Variants in TNRC18 observed in about 807,000 individuals in gnomAD.
TNRC18 encodes the protein trinucleotide repeat-containing gene 18 protein.
In TNRC18, 69 loss-of-function variants were observed where a neutral mutation model predicts 226.7. The observed-to-expected ratio is 0.30, with a 90% CI of 0.25 to 0.37. The LOEUF (loss-of-function observed/expected upper bound fraction) is 0.37. TNRC18 is among the 10% of genes least tolerant of loss of function. The pLI, the probability that TNRC18 is intolerant of heterozygous loss-of-function variation, is 1.00. For missense variants in TNRC18, 4,754 were observed against 4,256.6 expected, an observed-to-expected ratio of 1.12 and a Z score of -3.25; for synonymous variants, 2,449 against 1,927.6, an observed-to-expected ratio of 1.27 and a Z score of -7.09.
intron 19 of TNRC18, 108 bp from the exon 20 acceptor site, chr7:5,325,356 C>A: frequency 3.1e-6 from 4 of 1,296,896 alleles, no homozygotes; most frequent in Non-Finnish European, 4.2e-6. Context: ...ACCCCAAGTG[C>A]GCCCTCCCAG....
Position 5,343,124 on chromosome 7 carries a change from C to T in TNRC18, c.5719+2438G>A, listed in dbSNP as rs529641706. ...ATCCCAGCACTTTGGGAGGCCGAGG[C>T]GGACAGATCACCTGAGGTCAGGAGT... On this transcript the variant is annotated intron_variant, in intron 18 of 29. Coordinates refer to ENST00000430969, the MANE Select transcript of TNRC18 (RefSeq NM_001080495.3). 2.0e-3 allele frequency among the ~76,000 whole-genome samples: 300 copies of T among 152,262 alleles called. 1 individual carries two copies. Among genetic ancestry groups the T allele is most frequent in the Middle Eastern group, 6.8e-3 (2 of 294 alleles).
In TNRC18 at chr7:5,325,078, G is replaced by T; in HGVS notation, c.6300+18C>A. ...CTGAGCCCCCCACAGCCCCCAACCAGGGCACGGTGAGCCTCACCTCCTTCT... is the reference window on the plus strand; with the variant it reads ...CTGAGCCCCCCACAGCCCCCAACCATGGCACGGTGAGCCTCACCTCCTTCT... On this transcript the variant is annotated intron_variant, in intron 20 of 29. Transcript: ENST00000430969. 6.5e-7 allele frequency: 1 copy of T among 1,549,370 alleles called. No homozygotes were observed. Among genetic ancestry groups the T allele is most frequent in the Non-Finnish European group, 8.7e-7 (1 of 1,146,828 alleles).
chr7:5,349,601 C>T (rs1158279734), intron 17 of TNRC18, among the ~76,000 whole-genome samples: 1 of 152,168 alleles, frequency 6.6e-6, no homozygotes, highest in African/African-American at 2.4e-5. Flanking sequence ...TGCCTACCTA[C>T]GGAGCAACGA....
At chr7:5,361,309 G>A (rs890537274) in intron 14 of TNRC18, among the ~76,000 whole-genome samples, 2 of 152,220 alleles carry the variant, frequency 1.3e-5, no homozygotes, top group Non-Finnish European at 2.9e-5. Flanking sequence ...GGAGGAATTA[G>A]GCCCTAGGCG....
intron 2 of TNRC18, 199 bp downstream of exon 2, chr7:5,420,861 T>G (rs979286016): frequency 9.3e-6 from 7 of 752,760 alleles, no homozygotes; most frequent in Non-Finnish European, 1.6e-5. Context: ...ACGGAAAAGG[T>G]AGCCGAGCCG....
At chr7:5,314,069 C>T (rs1276945155) in intron 26 of TNRC18, among the ~76,000 whole-genome samples, 3 of 152,034 alleles carry the variant, frequency 2.0e-5, no homozygotes, top group Non-Finnish European at 4.4e-5. Flanking sequence ...TGTGAGCCTC[C>T]AGCCTCAGTC....
intron 5 of TNRC18, among the ~76,000 whole-genome samples, chr7:5,382,667 C>A (rs535415856): frequency 2.6e-5 from 4 of 152,164 alleles, no homozygotes; most frequent in Non-Finnish European, 4.4e-5. Flanking sequence ...ATCCCCACAG[C>A]CCCTCCCTCC....
intron 2 of TNRC18, among the ~76,000 whole-genome samples, chr7:5,408,568 G>A (rs150141510): frequency 2.0e-4 from 30 of 152,158 alleles, no homozygotes; most frequent in African/African-American, 6.7e-4. Context: ...AACCTAGGAG[G>A]TGGAGGTAGG....
At position 5,370,465 on chromosome 7, in the gene TNRC18, G is replaced by T. The variant is rs764664942; in HGVS notation, c.4129C>A (p.Leu1377Ile). The change falls in exon 11 of 30, where the codon CTT becomes ATT. Residue 1377 changes from leucine (L) to isoleucine (I), a missense_variant. Coordinates refer to ENST00000430969, the MANE Select transcript of TNRC18 (RefSeq NM_001080495.3). ...ALEKLEAAESLVLEQSFLHGI... is the reference protein window; with the variant it reads ...ALEKLEAAESIVLEQSFLHGI... ...TGCAGGAAGCTCTGCTCCAAGACAA[G>T]GCTCTCGGCTGCTTCCAGCTTCTCC... is the stretch of plus-strand genomic sequence containing the variant. 3 of 1,576,770 alleles carry T rather than the reference G, an allele frequency of 1.9e-6. No individual in the cohort carries two copies. In the East Asian group the frequency reaches 7.0e-5, roughly 37 times the overall value.
In TNRC18 at chr7:5,323,568, G is replaced by GTTTTTTTTT. The variant is rs1554272402; in HGVS notation, c.6442+637_6442+645dup. 6.6e-4 allele frequency among the ~76,000 whole-genome samples: 81 copies of GTTTTTTTTT among 122,226 alleles called. 8 individuals are homozygous for GTTTTTTTTT. Among genetic ancestry groups the GTTTTTTTTT allele is most frequent in the East Asian group, 1.2e-3 (5 of 4,118 alleles). The allele number at this position is 122,226 out of a possible 152,430, so 80.2% of individuals were successfully genotyped here. A position where few individuals can be genotyped will look rare whatever the true frequency, so the allele number is the denominator to read the frequency against. On this transcript the variant is annotated intron_variant, in intron 21 of 29. Transcript: ENST00000430969. Reference sequence around the variant, plus strand: ...CTCGTTCTCTGTGCAGCACCAGACAGTTTTTTTTTTTTTGAGACACAGTTT... The same window carrying GTTTTTTTTT: ...CTCGTTCTCTGTGCAGCACCAGACAGTTTTTTTTTTTTTTTTTTTTTTGAGACACAGTTT...
At chr7:5,350,478 C>G (rs1336555406) in intron 17 of TNRC18, among the ~76,000 whole-genome samples, 1 of 152,084 alleles carries the variant, frequency 6.6e-6, no homozygotes, top group Non-Finnish European at 1.5e-5. Flanking sequence ...GTGCCCGAGC[C>G]AGGTCAGACC....
In TNRC18 at chr7:5,366,367, C is replaced by T. The variant is rs888487920; in HGVS notation, c.4220-3542G>A. Among the ~76,000 whole-genome samples, 13 of 114,978 alleles carry T rather than the reference C, an allele frequency of 1.1e-4. No homozygotes were observed. In the Admixed American group the frequency reaches 1.4e-3, roughly 12 times the overall value. The allele number at this position is 114,978 out of a possible 152,430, so 75.4% of individuals were successfully genotyped here. On this transcript the variant is annotated intron_variant, in intron 11 of 29. Transcript: ENST00000430969. ...TTTGTGAGACAGAATCTCACTCTGTCGCCCAGGCTGGAGTGCAGTGACCAA... is the reference window on the plus strand; with the variant it reads ...TTTGTGAGACAGAATCTCACTCTGTTGCCCAGGCTGGAGTGCAGTGACCAA...
At chr7:5,378,455 G>C (rs1779165807) in intron 5 of TNRC18, among the ~76,000 whole-genome samples, 1 of 148,822 alleles carries the variant, frequency 6.7e-6, no homozygotes, top group Non-Finnish European at 1.5e-5. Flanking sequence ...GTCTCGCTCT[G>C]TCGCCCAGGC....
At chr7:5,410,715 A>C (rs1298517096) in intron 2 of TNRC18, among the ~76,000 whole-genome samples, 1 of 151,608 alleles carries the variant, frequency 6.6e-6, no homozygotes, top group Non-Finnish European at 1.5e-5. Flanking sequence ...AAAATACAAA[A>C]ATTAGTCGGG....
At position 5,389,314 on chromosome 7, in the gene TNRC18, C is replaced by T. The variant is rs199941680; in HGVS notation, c.510G>A (p.Ala170=). 3.9e-5 allele frequency: 50 copies of T among 1,281,296 alleles called. No homozygotes were observed. The highest frequency in any genetic ancestry group is 4.8e-5 in the Non-Finnish European group (49 of 1,014,356). 79.4% of individuals were successfully genotyped at this position (1,281,296 alleles called of 1,614,324 possible). Residue 170 remains alanine, a synonymous_variant, in exon 5 of 30, where the codon GCG becomes GCA. Transcript: ENST00000430969. ...PGGDGFYLPT[A]GAPGSLHSHA... is the part of the protein sequence containing the mutation. The stretch of plus-strand genomic sequence containing the variant: ...GAGAGTGCAGGGAGCCCGGAGCCCC[C>T]GCGGTGGGCAGGTAGAAACCGTCTG...
chr7:5,402,604 A>G (rs1584084139), intron 2 of TNRC18, among the ~76,000 whole-genome samples: 1 of 152,172 alleles, frequency 6.6e-6, no homozygotes, highest in East Asian at 1.9e-4. Context: ...CTGTAATCCC[A>G]GCACTTTGGG....
In TNRC18 at chr7:5,388,450, G is replaced by C; in HGVS notation, c.1374C>G (p.Ala458=). The C allele has an allele frequency of 6.9e-7, 1 of 1,454,614 alleles. No individual in the cohort carries two copies. Among genetic ancestry groups the C allele is most frequent in the Non-Finnish European group, 9.0e-7 (1 of 1,116,020 alleles). 90.1% of individuals were successfully genotyped at this position (1,454,614 alleles called of 1,614,324 possible). The change falls in exon 5 of 30, where the codon GCC becomes GCG. Residue 458 remains alanine (A), a synonymous_variant. Transcript: ENST00000430969. ...TGAGCAGCTCCTTGGCAGGCACGTAGGCGCGGGGGTCCGGGGAGGCGCGTG... is the reference window on the plus strand; with the variant it reads ...TGAGCAGCTCCTTGGCAGGCACGTACGCGCGGGGGTCCGGGGAGGCGCGTG... ...RATRASPDPR[A]YVPAKELLKP...
chr7:5,329,856 G>A (rs1326158360), intron 19 of TNRC18: 1 of 465,602 alleles, frequency 2.1e-6, no homozygotes, highest in Admixed American at 2.4e-5. Context: ...CCTTCTGTTG[G>A]AGGCCCAGGG....
chr7:5,317,153 C>T (rs1437051438), intron 24 of TNRC18, among the ~76,000 whole-genome samples: 3 of 152,168 alleles, frequency 2.0e-5, no homozygotes, highest in African/African-American at 7.2e-5. Flanking sequence ...GACAAACACT[C>T]ATGAGTGCAC....
Sources: gnomAD v4.1 joint callset for allele counts (sites outside exome capture counted in the v4.1 genomes callset) on GRCh38, gnomAD v4.1.1 for gene constraint, MANE v1.5 for transcripts, NCBI Gene and HGNC (gene_info 2026-07-23, HGNC 2026-07-21) for gene names.